FGGY: variants seen among roughly 807,000 people sequenced by gnomAD.
The protein encoded by FGGY is FGGY carbohydrate kinase domain containing, also known as FGGY carbohydrate kinase domain-containing protein.
Under a neutral mutation model 71.3 loss-of-function variants are expected in FGGY, and 72 were observed. The ratio of observed to expected loss-of-function variants is 1.01; its 90% confidence interval spans 0.84 to 1.23. The LOEUF is 1.23. Ranked by LOEUF, FGGY falls within the 50% of genes most tolerant of loss-of-function variation. FGGY has a pLI of 0.00. For synonymous variants in FGGY, 251 were observed against 250.3 expected (o/e 1.00, Z -0.02); for missense variants, 668 against 682.3 (o/e 0.98, Z 0.23).
At chr1:59,427,092 C>T (rs983829217) in intron 5 of FGGY, among the ~76,000 whole-genome samples, 1 of 152,134 alleles carries the variant, frequency 6.6e-6, no homozygotes, top group South Asian at 2.1e-4. Context: ...TATGAATCAA[C>T]GAACACACAA....
rs1193348509 is a variant in FGGY at position 59,602,275 on chromosome 1, T to C, written c.904-5528T>C. Among the ~76,000 whole-genome samples, 8 of 152,170 alleles carry C rather than the reference T, an allele frequency of 5.3e-5. No homozygotes were observed. In the East Asian group the frequency reaches 1.3e-3, roughly 26 times the overall value. On this transcript the variant is annotated intron_variant, in intron 8 of 15. Coordinates refer to ENST00000303721, the MANE Select transcript of FGGY (RefSeq NM_018291.5). ...ACCTCCTGCAGCTTCTATTTCCTCA[T>C]CTGTGAAGTAAATATAATAATAGGA...
intron 6 of FGGY, among the ~76,000 whole-genome samples, chr1:59,473,935 A>G (rs2093129286): frequency 6.6e-6 from 1 of 152,134 alleles, no homozygotes; most frequent in African/African-American, 2.4e-5. Context: ...CCTCCCTTCC[A>G]TAAAGGTTTG....
At chr1:59,447,366 C>G (rs1182287415) in intron 5 of FGGY, among the ~76,000 whole-genome samples, 1 of 152,110 alleles carries the variant, frequency 6.6e-6, no homozygotes, top group Non-Finnish European at 1.5e-5. Context: ...GGGTGTGAAC[C>G]TAGCAGCCAA....
At chr1:59,355,150 A>C (rs535472001) in intron 4 of FGGY, among the ~76,000 whole-genome samples, 1 of 152,242 alleles carries the variant, frequency 6.6e-6, no homozygotes, top group African/African-American at 2.4e-5. Flanking sequence ...TATGACCTTA[A>C]AAAAATCATT....
intron 5 of FGGY, among the ~76,000 whole-genome samples, chr1:59,379,390 G>C (rs1489735395): frequency 1.3e-5 from 2 of 152,046 alleles, no homozygotes; most frequent in Non-Finnish European, 2.9e-5. Flanking sequence ...GAATACTGTA[G>C]GCCATTGTGC....
intron 14 of FGGY, among the ~76,000 whole-genome samples, chr1:59,712,412 C>G (rs2097801765): frequency 6.6e-6 from 1 of 152,116 alleles, no homozygotes; most frequent in South Asian, 2.1e-4. Flanking sequence ...GGTCGGTGGC[C>G]CTCTTCTCTC....
chr1:59,482,435 C>T (rs921497659), intron 6 of FGGY, among the ~76,000 whole-genome samples: 1 of 151,966 alleles, frequency 6.6e-6, no homozygotes, highest in Non-Finnish European at 1.5e-5. Context: ...CAAGTTTTTG[C>T]CGCAGCAAAA....
intron 13 of FGGY, among the ~76,000 whole-genome samples, chr1:59,671,707 T>C (rs1306382667): frequency 1.3e-5 from 2 of 152,204 alleles, no homozygotes. Context: ...AAGAGCCTTA[T>C]TATAATAGCA....
chr1:59,382,159 A>T (rs1015117802), intron 5 of FGGY, among the ~76,000 whole-genome samples: 1 of 152,304 alleles, frequency 6.6e-6, no homozygotes, highest in African/African-American at 2.4e-5. Flanking sequence ...TCTTAAAATC[A>T]GCTTATTCAG....
At position 59,375,879 on chromosome 1, in the gene FGGY, GT is replaced by G. The variant is rs770578651; in HGVS notation, c.466-2849del. Among the ~76,000 whole-genome samples, 942 of 99,350 alleles carry G rather than the reference GT, an allele frequency of 9.5e-3. 3 individuals are homozygous for G. Among genetic ancestry groups the G allele is most frequent in the African/African-American group, 0.029 (782 of 27,236 alleles). 65.2% of individuals were successfully genotyped at this position (99,350 alleles called of 152,430 possible). A position where few individuals can be genotyped will look rare whatever the true frequency, so the allele number is the denominator to read the frequency against. On this transcript the variant is annotated intron_variant, in intron 4 of 15. Transcript: ENST00000303721. Reference sequence around the variant, plus strand: ...ATGACCACACACAAGATCTAAAGTAGTTTTTTTTTTTTTTTTTTTTTGCCTG... The same window carrying G: ...ATGACCACACACAAGATCTAAAGTAGTTTTTTTTTTTTTTTTTTTTGCCTG...
At chr1:59,612,288 A>G (rs944658534) in intron 9 of FGGY, among the ~76,000 whole-genome samples, 1 of 152,246 alleles carries the variant, frequency 6.6e-6, no homozygotes, top group Non-Finnish European at 1.5e-5. Context: ...TCAGACTAAC[A>G]GCTGATCTCT....
chr1:59,339,920 G>T, intron 2 of FGGY, 38 bp from the exon 3 acceptor site: 1 of 1,238,862 alleles, frequency 8.1e-7, no homozygotes, highest in Non-Finnish European at 1.2e-6. Context: ...TAAAGACCCT[G>T]GTGTTGTAAT....
intron 2 of FGGY, 86 bp from the exon 3 acceptor site, chr1:59,339,872 G>T: frequency 2.7e-6 from 2 of 740,456 alleles, no homozygotes; most frequent in Non-Finnish European, 2.2e-6. Flanking sequence ...TTTCTATTCT[G>T]TCATTCCTTC....
At chr1:59,447,880 T>TA (rs1275995117) in intron 5 of FGGY, among the ~76,000 whole-genome samples, 1 of 152,208 alleles carries the variant, frequency 6.6e-6, no homozygotes, top group Non-Finnish European at 1.5e-5. Context: ...CATTGGACCT[T>TA]AGTACTTTTC....
At chr1:59,649,067 C>T (rs1231774841) in intron 11 of FGGY, among the ~76,000 whole-genome samples, 19 of 151,866 alleles carry the variant, frequency 1.3e-4, no homozygotes, top group East Asian at 5.8e-4. Context: ...TTTAGGTATG[C>T]GGCATTATTT....
intron 5 of FGGY, among the ~76,000 whole-genome samples, chr1:59,440,814 A>T (rs1400509120): frequency 1.3e-5 from 2 of 151,476 alleles, no homozygotes; most frequent in Non-Finnish European, 2.9e-5. Flanking sequence ...GGTGATTAGG[A>T]TTTACCAAGG....
Position 59,358,502 on chromosome 1 carries a change from C to T in FGGY, c.465+12104C>T, listed in dbSNP as rs182540309. 2.1e-3 allele frequency among the ~76,000 whole-genome samples: 313 copies of T among 152,166 alleles called. 1 individual carries two copies. The highest frequency in any genetic ancestry group is 5.4e-3 in the Admixed American group (83 of 15,278). ...GCCATTACCCGCCCTGCCACCCCCC[C>T]GCCATGTTTTATTATCAAAATTTCA... On this transcript the variant is annotated intron_variant, in intron 4 of 15. Coordinates refer to ENST00000303721, the MANE Select transcript of FGGY (RefSeq NM_018291.5).
chr1:59,653,610 C>T (rs1435328841), intron 11 of FGGY, among the ~76,000 whole-genome samples: 3 of 152,266 alleles, frequency 2.0e-5, no homozygotes, highest in Admixed American at 2.0e-4. Flanking sequence ...CCTGCTTCGG[C>T]TTGCGCATGG....
intron 5 of FGGY, among the ~76,000 whole-genome samples, chr1:59,429,619 T>G (rs1048459315): frequency 3.9e-5 from 6 of 152,224 alleles, no homozygotes; most frequent in Non-Finnish European, 8.8e-5. Context: ...CTCATTCCCC[T>G]TTAGGCTCCT....
Sources: gnomAD v4.1 joint callset for allele counts (sites outside exome capture counted in the v4.1 genomes callset) on GRCh38, gnomAD v4.1.1 for gene constraint, MANE v1.5 for transcripts, NCBI Gene and HGNC (gene_info 2026-07-23, HGNC 2026-07-21) for gene names.